Variants in LYRM1 observed in about 807,000 individuals in gnomAD.
The protein encoded by LYRM1 is LYR motif-containing protein 1.
LYRM1 carries 14 observed loss-of-function variants against 14.9 expected under a neutral mutation model. The ratio of observed to expected loss-of-function variants is 0.94; its 90% CI spans 0.62 to 1.47. The LOEUF is 1.47. Among genes scored for constraint, LYRM1 ranks in the 40% most tolerant of loss-of-function variants. LYRM1 has a pLI of 0.00. For missense variants in LYRM1, 153 were observed against 149.9 expected, an observed-to-expected ratio of 1.02 and a Z score of -0.11; for synonymous variants, 43 against 56.2, an observed-to-expected ratio of 0.77 and a Z score of 1.05.
intron 1 of LYRM1, among the ~76,000 whole-genome samples, chr16:20,908,528 T>C (rs2082432139): frequency 6.6e-6 from 1 of 152,236 alleles, no homozygotes; most frequent in Non-Finnish European, 1.5e-5. Flanking sequence ...CTGCATCAGG[T>C]TCCTCCTTTG....
Position 20,920,108 on chromosome 16 carries a change from C to T in LYRM1, c.160-14C>T, listed in dbSNP as rs1479696791. On this transcript the variant is annotated splice_polypyrimidine_tract_variant and intron_variant, in intron 2 of 3. Transcript: ENST00000567954. ...AAGATACTATCAGCCTCATTTCTTT[C>T]TCCCTTTTAATAGCTCACGGACACA... 5 of 1,581,180 alleles carry T rather than the reference C, an allele frequency of 3.2e-6. No homozygotes were observed. The highest frequency in any genetic ancestry group is 1.1e-5 in the South Asian group (1 of 90,024).
At chr16:20,920,376 A>C (rs1362501794) in intron 3 of LYRM1, 162 bp downstream of exon 3, 1 of 640,772 alleles carries the variant, frequency 1.6e-6, no homozygotes, top group Non-Finnish European at 2.8e-6. Context: ...AGCCCATCAC[A>C]ACAAAGTAAA....
At chr16:20,916,049 T>C (rs1239493077) in intron 2 of LYRM1, among the ~76,000 whole-genome samples, 1 of 146,282 alleles carries the variant, frequency 6.8e-6, no homozygotes, top group African/African-American at 2.5e-5. Context: ...CCATAGGAGG[T>C]GTGCAGGAAA....
At chr16:20,910,527 T>C (rs2082537858) in intron 1 of LYRM1, among the ~76,000 whole-genome samples, 1 of 152,280 alleles carries the variant, frequency 6.6e-6, no homozygotes, top group Admixed American at 6.5e-5. Flanking sequence ...AGGGCTTGTG[T>C]ATCAGATTAT....
chr16:20,909,803 A>G (rs1249240956), intron 1 of LYRM1, among the ~76,000 whole-genome samples: 1 of 152,248 alleles, frequency 6.6e-6, no homozygotes, highest in Non-Finnish European at 1.5e-5. Flanking sequence ...TCTATAGCAC[A>G]GGATACTCTC....
intron 3 of LYRM1, chr16:20,920,456 C>A: frequency 2.3e-6 from 1 of 443,488 alleles, no homozygotes; most frequent in Non-Finnish European, 4.0e-6. Flanking sequence ...CCAGCTCACA[C>A]TGTAGAGCTT....
intron 1 of LYRM1, 110 bp downstream of exon 1, chr16:20,900,999 G>A (rs2082014068): frequency 6.6e-6 from 1 of 152,528 alleles, no homozygotes; most frequent in Admixed American, 6.5e-5. Context: ...GCGTTGCCGG[G>A]AGACGGGCCT....
At chr16:20,922,064 C>A (rs1409121820) in intron 3 of LYRM1, 1 of 151,722 alleles carries the variant, frequency 6.6e-6, no homozygotes, top group South Asian at 2.1e-4. Context: ...AATCTTGGCT[C>A]ACTGCAGCCT....
intron 3 of LYRM1, among the ~76,000 whole-genome samples, chr16:20,920,970 AAAC>A (rs1307421865): frequency 6.6e-6 from 1 of 151,304 alleles, no homozygotes; most frequent in Admixed American, 6.6e-5. Context: ...GAAAGTTAAG[AAAC>A]AAAATAAATT....
chr16:20,903,163 A>C (rs2082151509), intron 1 of LYRM1, among the ~76,000 whole-genome samples: 1 of 152,220 alleles, frequency 6.6e-6, no homozygotes, highest in African/African-American at 2.4e-5. Flanking sequence ...ACAGTGATTT[A>C]AATTCTTTTT....
intron 2 of LYRM1, among the ~76,000 whole-genome samples, chr16:20,916,786 T>C (rs1596776461): frequency 6.6e-6 from 1 of 152,312 alleles, no homozygotes; most frequent in East Asian, 1.9e-4. Context: ...TTCTCATTCC[T>C]CACTCAACAA....
At position 20,901,354 on chromosome 16, in the gene LYRM1, T is replaced by C. The variant is rs1293419535; in HGVS notation, c.-1+465T>C. Among the ~76,000 whole-genome samples, 4 of 152,150 alleles carry C rather than the reference T, an allele frequency of 2.6e-5. No homozygotes were observed. Among genetic ancestry groups the C allele is most frequent in the African/African-American group, 4.8e-5 (2 of 41,432 alleles). Reference sequence around the variant, plus strand: ...GTTGCTCCGTTACCTTCCATTCGTGTGCAGGAGAGAGTTAAGTAAATCAAT... The same window carrying C: ...GTTGCTCCGTTACCTTCCATTCGTGCGCAGGAGAGAGTTAAGTAAATCAAT... On this transcript the variant is annotated intron_variant, in intron 1 of 3. Transcript: ENST00000567954. The surrounding 1 kb of genome is among the most constrained non-coding windows in gnomAD (Gnocchi z 4.6).
chr16:20,910,701 G>A (rs1274853544), intron 1 of LYRM1, among the ~76,000 whole-genome samples: 5 of 152,268 alleles, frequency 3.3e-5, no homozygotes, highest in Non-Finnish European at 7.3e-5. Flanking sequence ...TCGAGCCTGG[G>A]AGGTCAAAGC....
At chr16:20,905,374 G>A (rs1178397737) in intron 1 of LYRM1, among the ~76,000 whole-genome samples, 2 of 152,164 alleles carry the variant, frequency 1.3e-5, no homozygotes, top group Admixed American at 6.5e-5. Flanking sequence ...TTCAAACCCA[G>A]CCTTGTCCGC....
rs769772795 is a variant in LYRM1 at position 20,924,057 on chromosome 16, G to A, written c.310G>A (p.Glu104Lys). 1.2e-6 allele frequency: 2 copies of A among 1,613,768 alleles called. No individual in the cohort carries two copies. Among genetic ancestry groups the A allele is most frequent in the African/African-American group, 1.3e-5 (1 of 75,050 alleles). Residue 104 changes from glutamate to lysine, a missense_variant, in exon 4 of 4, where the codon GAG becomes AAG. Coordinates refer to ENST00000567954, the MANE Select transcript of LYRM1 (RefSeq NM_001128302.3). The part of the protein sequence containing the change: ...PLRGRGLRSQ[E>K]KLRKLSKPVY... ...CCGAGGCCGGGGACTTCGAAGCCAA[G>A]AGAAACTGAGGAAACTTTCCAAACC...
intron 2 of LYRM1, among the ~76,000 whole-genome samples, chr16:20,918,207 T>C (rs2083006036): frequency 1.3e-5 from 2 of 152,182 alleles, no homozygotes; most frequent in Admixed American, 6.5e-5. Flanking sequence ...GGGGATATCA[T>C]AGTACATGCC....
At chr16:20,910,790 A>C (rs538611054) in intron 1 of LYRM1, among the ~76,000 whole-genome samples, 5 of 152,192 alleles carry the variant, frequency 3.3e-5, no homozygotes, top group African/African-American at 1.2e-4. Flanking sequence ...AAAAAACAAC[A>C]ACAACAAAAA....
intron 1 of LYRM1, among the ~76,000 whole-genome samples, chr16:20,913,128 A>G (rs939646290): frequency 6.6e-6 from 1 of 151,058 alleles, no homozygotes; most frequent in Non-Finnish European, 1.5e-5. Context: ...TTGCAAAGCA[A>G]TACTATAAAT....
chr16:20,901,864 G>A lies in LYRM1; in HGVS notation c.-1+975G>A, dbSNP rs997784908. On this transcript the variant is annotated intron_variant, in intron 1 of 3. Transcript: ENST00000567954. The surrounding 1 kb of genome is among the most constrained non-coding windows in gnomAD (Gnocchi z 4.6). ...GGGCCGGCCGGGCGCGGTGGCTCAC[G>A]CCTATAAACCCAGTACTTTGGGAGG... is the stretch of plus-strand genomic sequence containing the variant. Among the ~76,000 whole-genome samples the A allele has an allele frequency of 7.2e-5, 11 of 152,210 alleles. No homozygotes were observed. The highest frequency in any genetic ancestry group is 2.7e-4 in the African/African-American group (11 of 41,450).
Sources: gnomAD v4.1 joint callset for allele counts (sites outside exome capture counted in the v4.1 genomes callset) on GRCh38, gnomAD v4.1.1 for gene constraint, Gnocchi (gnomAD v3.1) non-coding constraint, MANE v1.5 for transcripts, NCBI Gene and HGNC (gene_info 2026-07-23, HGNC 2026-07-21) for gene names.